TM2D2: variants seen among roughly 807,000 people sequenced by gnomAD.
TM2D2 encodes the protein TM2 domain-containing protein 2.
TM2D2 carries 19 observed loss-of-function variants against 23.0 expected under a neutral mutation model. That is an observed-to-expected ratio of 0.82 (90% CI 0.58 to 1.21). The LOEUF is 1.21. Ranked by LOEUF, TM2D2 falls within the 50% of genes most tolerant of loss-of-function variation. The pLI is 0.00. For missense variants in TM2D2, 246 were observed against 265.4 expected, an observed-to-expected ratio of 0.93 and a Z score of 0.51; for synonymous variants, 120 against 108.8, an observed-to-expected ratio of 1.10 and a Z score of -0.64.
chr8:38,996,103 G>C, intron 1 of TM2D2, 110 bp downstream of exon 1: 1 of 1,303,678 alleles, frequency 7.7e-7, no homozygotes, highest in Non-Finnish European at 1.0e-6. Flanking sequence ...CGACCTCAGA[G>C]AGGCAGGGTC....
intron 2 of TM2D2, among the ~76,000 whole-genome samples, chr8:38,994,442 A>C (rs1175727027): frequency 6.6e-6 from 1 of 152,224 alleles, no homozygotes; most frequent in Non-Finnish European, 1.5e-5. Context: ...AGTGATCTCT[A>C]TACAATATTA....
At chr8:38,995,749 C>T in intron 1 of TM2D2, 6 of 1,281,474 alleles carry the variant, frequency 4.7e-6, no homozygotes, top group Non-Finnish European at 5.9e-6. Context: ...TTCCCAAATG[C>T]CTTTTCTTGT....
intron 1 of TM2D2, chr8:38,995,649 AC>A: frequency 7.2e-7 from 1 of 1,386,384 alleles, no homozygotes; most frequent in Non-Finnish European, 9.3e-7. Flanking sequence ...TAAGGATTCT[AC>A]TTCTGCCATG....
chr8:38,990,376 C>T lies in TM2D2; in HGVS notation c.*956G>A, dbSNP rs1170008660. On this transcript the variant is annotated 3_prime_UTR_variant, in exon 4 of 4. Transcript: ENST00000456397. ...TAGTTCTTTCAACTTAGATTGCAAA[C>T]GATGAGAACTGAGTTTTTAAAACCA... is the stretch of plus-strand genomic sequence containing the variant. 7 of 152,188 alleles carry T rather than the reference C, an allele frequency of 4.6e-5. No individual in the cohort carries two copies. The highest frequency in any genetic ancestry group is 6.5e-5 in the Admixed American group (1 of 15,280). The allele number at this position is 152,188 out of a possible 1,614,324, so 9.4% of individuals were successfully genotyped here. A position where few individuals can be genotyped will look rare whatever the true frequency, so the allele number is the denominator to read the frequency against.
rs1314644325 is a variant in TM2D2 at position 38,991,563 on chromosome 8, AAAGG to A, written c.432-22_432-19del. ...CGGTATACCTAGGTGAAAGGAATGA[AAAGG>A]AAGATGTTTTACTGCACGAAAATTT... is the stretch of plus-strand genomic sequence containing the variant. On this transcript the variant is annotated intron_variant, in intron 3 of 3. Coordinates refer to ENST00000456397, the MANE Select transcript of TM2D2 (RefSeq NM_078473.3). 1 of 1,588,418 alleles carries A rather than the reference AAAGG, an allele frequency of 6.3e-7. No individual in the cohort carries two copies. The highest frequency in any genetic ancestry group is 1.1e-5 in the South Asian group (1 of 90,402).
In TM2D2 at chr8:38,996,415, T is replaced by C. The variant is rs1439358366; in HGVS notation, c.25A>G (p.Ser9Gly). ...GCCTGGCCGCACAGAAGTAAGTAAC[T>C]AACCGGGCAACCACCTAGCACCATC... MVLGGCPV[S>G]YLLLCGQAAL... The change falls in exon 1 of 4, where the codon AGT becomes GGT. Residue 9 changes from serine (S) to glycine (G), a missense_variant. Physicochemically the swap from Ser to Gly is moderately conservative, Grantham distance 56. Transcript: ENST00000456397. 3 of 1,614,090 alleles carry C rather than the reference T, an allele frequency of 1.9e-6. No homozygotes were observed. The highest frequency in any genetic ancestry group is 2.2e-5 in the East Asian group (1 of 44,868).
chr8:38,994,838 C>T (rs113674155), intron 2 of TM2D2, among the ~76,000 whole-genome samples: 4,973 of 150,934 alleles, frequency 0.033, 257 homozygotes, highest in African/African-American at 0.12. Flanking sequence ...CCTACAAAGA[C>T]ATATACCGGT....
chr8:38,992,487 A>C (rs201366188), intron 3 of TM2D2, among the ~76,000 whole-genome samples: 1 of 51,542 alleles, frequency 1.9e-5, no homozygotes, highest in African/African-American at 5.4e-5. Flanking sequence ...CCCCATCTCC[A>C]AAAAAAAAAA....
rs1835532066 is a variant in TM2D2 at position 38,989,182 on chromosome 8, ACTT to A, written c.*2147_*2149del. 6.6e-6 allele frequency: 1 copy of A among 152,204 alleles called. No individual in the cohort carries two copies. Among genetic ancestry groups the A allele is most frequent in the Non-Finnish European group, 1.5e-5 (1 of 68,044 alleles). The allele number at this position is 152,204 out of a possible 1,614,324, so 9.4% of individuals were successfully genotyped here. ...AATTACCACTCTAGCAGCGAGAACA[ACTT>A]CTTTTGTCTCCAGCAGCTTTACTGA... On this transcript the variant is annotated 3_prime_UTR_variant, in exon 4 of 4. Transcript: ENST00000456397.
chr8:38,996,265 C>G lies in TM2D2; in HGVS notation c.175G>C (p.Ala59Pro), dbSNP rs765495488. The G allele has an allele frequency of 6.2e-7, 1 of 1,613,964 alleles. No homozygotes were observed. Among genetic ancestry groups the G allele is most frequent in the South Asian group, 1.1e-5 (1 of 91,066 alleles). Reference protein sequence around the residue: ...AAQPEGPGGAASWEYGDPHSP... With the variant: ...AAQPEGPGGAPSWEYGDPHSP... ...TGGGGGTCGCCATATTCCCAGCTCG[C>G]AGCACCCCCGGGGCCCTCCGGCTGG... The change falls in exon 1 of 4, where the codon GCG (alanine) becomes CCG (proline). Residue 59 changes from alanine (A) to proline (P), a missense_variant. Physicochemically the swap from Ala to Pro is conservative, Grantham distance 27. This residue lies in a region of TM2D2 where 212 missense variants were observed against 202.2 expected (regional missense o/e 1.05). Coordinates refer to ENST00000456397, the MANE Select transcript of TM2D2 (RefSeq NM_078473.3).
chr8:38,996,384 A>C lies in TM2D2; in HGVS notation c.56T>G (p.Leu19Trp). The change falls in exon 1 of 4, where the codon TTG (leucine) becomes TGG (tryptophan). Residue 19 changes from leucine to tryptophan, a missense_variant. Around this residue, in one of 2 missense-constraint regions of TM2D2, gnomAD observed 212 missense variants for 202.2 expected, o/e 1.05. Coordinates refer to ENST00000456397, the MANE Select transcript of TM2D2 (RefSeq NM_078473.3). ...CAGCAGAAGTAAATTCCCCAGCAGC[A>C]AAGCCGCCTGGCCGCACAGAAGTAA... is the stretch of plus-strand genomic sequence containing the variant. ...SYLLLCGQAA[L>W]LLGNLLLLHC... is the part of the protein sequence containing the mutation. 6.2e-7 allele frequency: 1 copy of C among 1,614,204 alleles called. No individual in the cohort carries two copies. The highest frequency in any genetic ancestry group is 8.5e-7 in the Non-Finnish European group (1 of 1,180,026).
At position 38,989,684 on chromosome 8, in the gene TM2D2, A is replaced by C. The variant is rs1835548085; in HGVS notation, c.*1648T>G. ...GGTTATGAATATACTTAGGAGGTTAAAGTGTGAAATGAGGCAGGACTTGGT... is the reference window on the plus strand; with the variant it reads ...GGTTATGAATATACTTAGGAGGTTACAGTGTGAAATGAGGCAGGACTTGGT... On this transcript the variant is annotated 3_prime_UTR_variant, in exon 4 of 4. Transcript: ENST00000456397. 6.6e-6 allele frequency: 1 copy of C among 152,220 alleles called. No homozygotes were observed. Among genetic ancestry groups the C allele is most frequent in the African/African-American group, 2.4e-5 (1 of 41,448 alleles). The allele number at this position is 152,220 out of a possible 1,614,324, so 9.4% of individuals were successfully genotyped here. A position where few individuals can be genotyped will look rare whatever the true frequency, so the allele number is the denominator to read the frequency against.
At chr8:38,995,626 G>T in intron 1 of TM2D2, 1 of 1,434,190 alleles carries the variant, frequency 7.0e-7, no homozygotes. Context: ...AGGTGTTTCT[G>T]GTCCTGTTTC....
At chr8:38,995,244 T>C (rs1425186755) in intron 2 of TM2D2, 74 bp downstream of exon 2, 2 of 1,140,930 alleles carry the variant, frequency 1.8e-6, no homozygotes, top group African/African-American at 1.6e-5. Context: ...CCTCTTATAC[T>C]TTTATGTAAT....
At chr8:38,992,296 T>C (rs1368390132) in intron 3 of TM2D2, among the ~76,000 whole-genome samples, 2 of 124,886 alleles carry the variant, frequency 1.6e-5, no homozygotes, top group African/African-American at 3.1e-5. Flanking sequence ...CGAGACCCTG[T>C]TTCTACCAAA....
rs1021654763 is a variant in TM2D2 at position 38,989,324 on chromosome 8, CAG to C, written c.*2006_*2007del. On this transcript the variant is annotated 3_prime_UTR_variant, in exon 4 of 4. Coordinates refer to ENST00000456397, the MANE Select transcript of TM2D2 (RefSeq NM_078473.3). ...GGAGCTGCAAAATTTCTTTTTTGGTCAGAGTCTCACTCTGTTGCCCAGGCTGA... is the reference window on the plus strand; with the variant it reads ...GGAGCTGCAAAATTTCTTTTTTGGTCAGTCTCACTCTGTTGCCCAGGCTGA... 3 of 152,212 alleles carry C rather than the reference CAG, an allele frequency of 2.0e-5. No individual in the cohort carries two copies. Among genetic ancestry groups the C allele is most frequent in the African/African-American group, 4.8e-5 (2 of 41,410 alleles). The allele number at this position is 152,212 out of a possible 1,614,324, so 9.4% of individuals were successfully genotyped here. A position where few individuals can be genotyped will look rare whatever the true frequency, so the allele number is the denominator to read the frequency against.
At position 38,991,264 on chromosome 8, in the gene TM2D2, A is replaced by G. The variant is rs1029404884; in HGVS notation, c.*68T>C. ...GGTCTGATATCAAAGAGGAGTTTTG[A>G]GCCTGTAGAGATGAATTCAGAAGAC... On this transcript the variant is annotated 3_prime_UTR_variant, in exon 4 of 4. Coordinates refer to ENST00000456397, the MANE Select transcript of TM2D2 (RefSeq NM_078473.3). The G allele has an allele frequency of 1.5e-6, 2 of 1,300,030 alleles. No individual in the cohort carries two copies. The highest frequency in any genetic ancestry group is 3.0e-5 in the African/African-American group (2 of 67,766). 80.5% of individuals were successfully genotyped at this position (1,300,030 alleles called of 1,614,324 possible).
chr8:38,996,813 G>A, upstream of TM2D2: 2 of 1,434,760 alleles, frequency 1.4e-6, no homozygotes, highest in Non-Finnish European at 9.1e-7. Flanking sequence ...GCCACCGCCG[G>A]TTTAGAAATC....
At position 38,991,487 on chromosome 8, in the gene TM2D2, CA is replaced by C; in HGVS notation, c.489del (p.Phe163LeufsTer15). ...TGTCCCAAACAGAATCGATCCACAC[CA>C]AAACATCCCAGGAAGAAGGAGTAGA... ...TLLYSFFLGC[F>X]GVDRFCLGHT... On this transcript the variant is annotated frameshift_variant, in exon 4 of 4. Coordinates refer to ENST00000456397, the MANE Select transcript of TM2D2 (RefSeq NM_078473.3). LOFTEE classifies it high-confidence loss of function. 6.2e-7 allele frequency: 1 copy of C among 1,614,090 alleles called. No homozygotes were observed. The highest frequency in any genetic ancestry group is 8.5e-7 in the Non-Finnish European group (1 of 1,180,006).
Sources: gnomAD v4.1 joint callset for allele counts (sites outside exome capture counted in the v4.1 genomes callset) on GRCh38, gnomAD v4.1.1 for gene constraint, gnomAD v4.1.1 regional missense constraint, MANE v1.5 for transcripts, NCBI Gene and HGNC (gene_info 2026-07-23, HGNC 2026-07-21) for gene names.